The following STXBP3 variants were observed in gnomAD, a reference collection of about 807,000 sequenced individuals.
STXBP3 encodes syntaxin-binding protein 3.
A neutral mutation model predicts 85.7 loss-of-function variants in STXBP3; 41 were observed. The ratio of observed to expected loss-of-function variants is 0.48; its 90% confidence interval spans 0.37 to 0.62. The LOEUF (loss-of-function observed/expected upper bound fraction) is 0.62, where lower values mean the gene tolerates loss of function less well. Among genes scored for constraint, STXBP3 ranks in the 20% least tolerant of loss-of-function variants. The pLI is 0.00. For synonymous variants in STXBP3, 229 were observed against 231.7 expected (o/e 0.99, Z 0.10); for missense variants, 563 against 703.1 (o/e 0.80, Z 2.25).
At chr1:108,757,693 C>T (rs536414694) in intron 4 of STXBP3, among the ~76,000 whole-genome samples, 1 of 151,936 alleles carries the variant, frequency 6.6e-6, no homozygotes, top group Non-Finnish European at 1.5e-5. Context: ...TAGATTGATA[C>T]AGCCTTTTTG....
chr1:108,782,576 T>G, intron 10 of STXBP3, 59 bp downstream of exon 10: 1 of 1,599,886 alleles, frequency 6.3e-7, no homozygotes, highest in Non-Finnish European at 8.5e-7. Context: ...TGATAGTACA[T>G]TTTGTAACCT....
intron 15 of STXBP3, among the ~76,000 whole-genome samples, chr1:108,797,800 A>C (rs1310908311): frequency 6.6e-6 from 1 of 151,174 alleles, no homozygotes; most frequent in African/African-American, 2.4e-5. Context: ...CAGTGGCTCG[A>C]TCTCGGCTCA....
chr1:108,805,604 T>C (rs1663312713), intron 17 of STXBP3, among the ~76,000 whole-genome samples: 1 of 152,096 alleles, frequency 6.6e-6, no homozygotes, highest in Non-Finnish European at 1.5e-5. Flanking sequence ...TTTGTATTTT[T>C]AGTAGAGAGG....
chr1:108,759,479 T>C (rs1362447781), intron 5 of STXBP3, among the ~76,000 whole-genome samples: 1 of 152,142 alleles, frequency 6.6e-6, no homozygotes, highest in Non-Finnish European at 1.5e-5. Flanking sequence ...ATAAACTCTT[T>C]GATGAAAGGG....
chr1:108,756,473 A>G (rs1662020366), intron 3 of STXBP3, among the ~76,000 whole-genome samples: 1 of 152,142 alleles, frequency 6.6e-6, no homozygotes, highest in Admixed American at 6.6e-5. Context: ...TTATTCATGT[A>G]AGAAAATGAA....
At chr1:108,763,375 A>C (rs1356227263) in intron 6 of STXBP3, among the ~76,000 whole-genome samples, 1 of 152,186 alleles carries the variant, frequency 6.6e-6, no homozygotes, top group Non-Finnish European at 1.5e-5. Flanking sequence ...GTCTAGCCTA[A>C]TGCTCTAGGG....
At chr1:108,801,736 G>A (rs891117610) in intron 17 of STXBP3, among the ~76,000 whole-genome samples, 9 of 151,018 alleles carry the variant, frequency 6.0e-5, no homozygotes, top group Admixed American at 2.6e-4. Flanking sequence ...TGGCATGATC[G>A]TAGCTTACTA....
At chr1:108,775,057 CAAAG>C (rs1255050244) in intron 7 of STXBP3, among the ~76,000 whole-genome samples, 1 of 151,886 alleles carries the variant, frequency 6.6e-6, no homozygotes, top group African/African-American at 2.4e-5. Flanking sequence ...AAATATAGTA[CAAAG>C]AGTTTAATTT....
chr1:108,752,389 T>A (rs1661922998), intron 2 of STXBP3, 83 bp downstream of exon 2: 3 of 1,256,448 alleles, frequency 2.4e-6, no homozygotes, highest in Middle Eastern at 2.1e-4. Context: ...AGTATTTACA[T>A]GGTATTAGGT....
chr1:108,767,021 A>G, intron 6 of STXBP3: 2 of 466,378 alleles, frequency 4.3e-6, no homozygotes, highest in Non-Finnish European at 8.6e-6. Flanking sequence ...CTAACATGTC[A>G]CCAACCATCA....
chr1:108,772,432 T>C (rs1387134301), intron 6 of STXBP3, among the ~76,000 whole-genome samples: 1 of 132,650 alleles, frequency 7.5e-6, no homozygotes, highest in African/African-American at 3.0e-5. Flanking sequence ...TAAATACATA[T>C]GATATCTATC....
intron 6 of STXBP3, among the ~76,000 whole-genome samples, chr1:108,765,830 A>G (rs1662252619): frequency 6.9e-6 from 1 of 145,934 alleles, no homozygotes. Flanking sequence ...TACAGGTGTG[A>G]GCCACTGCTC....
At chr1:108,779,887 G>A (rs1322868098) in intron 9 of STXBP3, 1 of 152,124 alleles carries the variant, frequency 6.6e-6, no homozygotes, top group Non-Finnish European at 1.5e-5. Flanking sequence ...TACCATTTTG[G>A]TACCTTCTAC....
intron 6 of STXBP3, among the ~76,000 whole-genome samples, chr1:108,771,454 T>TA (rs1266870241): frequency 1.8e-4 from 18 of 99,412 alleles, no homozygotes; most frequent in Non-Finnish European, 2.4e-4. Context: ...ATATATATCA[T>TA]ATATAAATAT....
chr1:108,775,129 A>G (rs918716809), intron 7 of STXBP3, among the ~76,000 whole-genome samples: 1 of 152,148 alleles, frequency 6.6e-6, no homozygotes, highest in African/African-American at 2.4e-5. Flanking sequence ...TTGTACAAAG[A>G]GTTGAATTAC....
chr1:108,760,153 A>G, intron 6 of STXBP3, 68 bp downstream of exon 6: 1 of 848,194 alleles, frequency 1.2e-6, no homozygotes, highest in East Asian at 2.8e-5. Flanking sequence ...TATTGTTAAT[A>G]AAGTATATTC....
At chr1:108,786,168 A>T (rs537418290) in intron 11 of STXBP3, among the ~76,000 whole-genome samples, 1 of 152,206 alleles carries the variant, frequency 6.6e-6, no homozygotes, top group Non-Finnish European at 1.5e-5. Flanking sequence ...GTTGACTCAC[A>T]GTTCCATATG....
In STXBP3 at chr1:108,763,749, A is replaced by AT. The variant is rs11358536; in HGVS notation, c.438+3676dup. On this transcript the variant is annotated intron_variant, in intron 6 of 18. Transcript: ENST00000370008. ...TGCTACCATGCCCAGCTAATTTTGT[A>AT]TTTTTTTTTTTTAGTAGAGATGGGG... Among the ~76,000 whole-genome samples the AT allele has an allele frequency of 1.8e-4, 26 of 148,066 alleles. No homozygotes were observed. The East Asian group carries it at 4.2e-3, about 24-fold the overall frequency.
Position 108,779,271 on chromosome 1 carries a change from A to G in STXBP3, c.685-15A>G. 1 of 1,605,590 alleles carries G rather than the reference A, an allele frequency of 6.2e-7. No homozygotes were observed. Among genetic ancestry groups the G allele is most frequent in the South Asian group, 1.1e-5 (1 of 89,144 alleles). ...AATTGAAGCTGCTTAAGATGATTTT[A>G]TCTTGTTATTCTAGGGTAAAACTCA... On this transcript the variant is annotated splice_polypyrimidine_tract_variant and intron_variant, in intron 8 of 18. Coordinates refer to ENST00000370008, the MANE Select transcript of STXBP3 (RefSeq NM_007269.4).
Sources: gnomAD v4.1 joint callset for allele counts (sites outside exome capture counted in the v4.1 genomes callset) on GRCh38, gnomAD v4.1.1 for gene constraint, MANE v1.5 for transcripts, NCBI Gene and HGNC (gene_info 2026-07-23, HGNC 2026-07-21) for gene names.